DOK5: variants seen among roughly 807,000 people sequenced by gnomAD.
DOK5 encodes downstream of tyrosine kinase 5.
DOK5 carries 27 observed loss-of-function variants against 43.3 expected under a neutral mutation model. The observed-to-expected ratio is 0.62, with a 90% CI of 0.46 to 0.86. DOK5 has a LOEUF of 0.86. DOK5 is among the 40% of genes least tolerant of loss of function. DOK5 has a pLI of 0.00. For missense variants in DOK5, 373 were observed against 392.9 expected, an observed-to-expected ratio of 0.95 and a Z score of 0.43; for synonymous variants, 146 against 140.1, an observed-to-expected ratio of 1.04 and a Z score of -0.30.
At chr20:54,603,746 G>C (rs1230354798) in intron 5 of DOK5, among the ~76,000 whole-genome samples, 1 of 152,058 alleles carries the variant, frequency 6.6e-6, no homozygotes, top group Non-Finnish European at 1.5e-5. Flanking sequence ...CTGAGATCAA[G>C]TCCGTATTAC....
intron 2 of DOK5, among the ~76,000 whole-genome samples, chr20:54,584,699 A>C (rs1288914639): frequency 1.3e-5 from 2 of 150,010 alleles, no homozygotes; most frequent in East Asian, 3.9e-4. Context: ...TATATATAGT[A>C]CTATAATATG....
At chr20:54,522,536 T>C (rs997539465) in intron 1 of DOK5, among the ~76,000 whole-genome samples, 2 of 151,354 alleles carry the variant, frequency 1.3e-5, no homozygotes, top group Non-Finnish European at 3.0e-5. Flanking sequence ...TTTTTTTTTT[T>C]TGAGACAGAG....
At chr20:54,635,062 GT>G (rs1351051347) in intron 6 of DOK5, among the ~76,000 whole-genome samples, 1 of 152,160 alleles carries the variant, frequency 6.6e-6, no homozygotes, top group African/African-American at 2.4e-5. Flanking sequence ...ATGATGGGAA[GT>G]GGGGGTCAGA....
chr20:54,642,050 A>T (rs1196533682), intron 6 of DOK5, among the ~76,000 whole-genome samples: 1 of 152,158 alleles, frequency 6.6e-6, no homozygotes, highest in Non-Finnish European at 1.5e-5. Context: ...TGTGTCTAAG[A>T]CCAGGGCTCA....
intron 2 of DOK5, among the ~76,000 whole-genome samples, chr20:54,561,225 G>A (rs1984894069): frequency 6.6e-6 from 1 of 152,104 alleles, no homozygotes; most frequent in Non-Finnish European, 1.5e-5. Context: ...GGATGCACTG[G>A]TCACAATGAA....
intron 1 of DOK5, among the ~76,000 whole-genome samples, chr20:54,544,626 C>G (rs954097304): frequency 6.6e-6 from 1 of 152,172 alleles, no homozygotes; most frequent in Non-Finnish European, 1.5e-5. Flanking sequence ...ACCGGAGCCT[C>G]TGTGGACATT....
intron 2 of DOK5, among the ~76,000 whole-genome samples, chr20:54,558,375 C>T (rs1984784221): frequency 6.6e-6 from 1 of 152,248 alleles, no homozygotes; most frequent in South Asian, 2.1e-4. Context: ...TCTCTTTCAC[C>T]TATAATAATC....
intron 1 of DOK5, among the ~76,000 whole-genome samples, chr20:54,543,130 C>A (rs1179639322): frequency 6.6e-6 from 1 of 152,108 alleles, no homozygotes; most frequent in Non-Finnish European, 1.5e-5. Flanking sequence ...ATTTTCAAAA[C>A]AGGTAAAATT....
intron 1 of DOK5, among the ~76,000 whole-genome samples, chr20:54,531,270 A>C (rs989913312): frequency 1.3e-5 from 2 of 152,218 alleles, no homozygotes; most frequent in African/African-American, 4.8e-5. Context: ...ATTCTCACTC[A>C]GGTGAATCTT....
chr20:54,639,147 G>C (rs1279440665), intron 6 of DOK5, among the ~76,000 whole-genome samples: 1 of 152,212 alleles, frequency 6.6e-6, no homozygotes, highest in African/African-American at 2.4e-5. Flanking sequence ...GGTACTTACA[G>C]ACTGGTGCAC....
intron 1 of DOK5, among the ~76,000 whole-genome samples, chr20:54,504,181 A>T (rs1006276899): frequency 2.6e-5 from 4 of 151,924 alleles, no homozygotes; most frequent in African/African-American, 9.7e-5. Context: ...GCTACCCTCA[A>T]TATGGCTACC....
At chr20:54,589,190 T>C (rs1012832807) in intron 4 of DOK5, among the ~76,000 whole-genome samples, 2 of 152,202 alleles carry the variant, frequency 1.3e-5, no homozygotes, top group Admixed American at 1.3e-4. Flanking sequence ...GTAAAGACTT[T>C]CCTTCAATTC....
chr20:54,544,756 TG>T (rs1016496909), intron 1 of DOK5, among the ~76,000 whole-genome samples: 34 of 151,900 alleles, frequency 2.2e-4, no homozygotes, highest in African/African-American at 7.7e-4. Flanking sequence ...CACTCCTGGG[TG>T]GGGGCCACAG....
At chr20:54,598,235 A>T (rs1199315705) in intron 5 of DOK5, among the ~76,000 whole-genome samples, 1 of 152,178 alleles carries the variant, frequency 6.6e-6, no homozygotes, top group Non-Finnish European at 1.5e-5. Context: ...AATAAGATGA[A>T]ATTGCACAAT....
At chr20:54,521,135 A>T (rs935277661) in intron 1 of DOK5, among the ~76,000 whole-genome samples, 6 of 151,666 alleles carry the variant, frequency 4.0e-5, no homozygotes, top group Non-Finnish European at 5.9e-5. Flanking sequence ...CCCTCATGGC[A>T]CTTACCATCT....
chr20:54,639,329 T>G (rs1978995968), intron 6 of DOK5, among the ~76,000 whole-genome samples: 1 of 152,250 alleles, frequency 6.6e-6, no homozygotes, highest in South Asian at 2.1e-4. Context: ...CACCTGGACT[T>G]CCTCAAGCTG....
At chr20:54,560,102 A>C (rs193037546) in intron 2 of DOK5, among the ~76,000 whole-genome samples, 2 of 152,320 alleles carry the variant, frequency 1.3e-5, no homozygotes, top group Admixed American at 1.3e-4. Context: ...ATTTCTCTGG[A>C]ATTTCATCCA....
intron 1 of DOK5, among the ~76,000 whole-genome samples, chr20:54,541,112 G>T (rs6098060): frequency 0.024 from 3,725 of 152,148 alleles, 149 homozygotes; most frequent in African/African-American, 0.085. Context: ...TCCCACTTGC[G>T]TGAGCTAAAC....
chr20:54,623,794 T>C (rs1233588941), intron 6 of DOK5, among the ~76,000 whole-genome samples: 4 of 152,150 alleles, frequency 2.6e-5, no homozygotes, highest in African/African-American at 4.8e-5. Context: ...TTAGCCAAGA[T>C]GGTCTCGATC....
Sources: allele counts gnomAD v4.1 joint callset (sites outside exome capture counted in the v4.1 genomes callset), GRCh38; gene constraint gnomAD v4.1.1; transcripts MANE v1.5; gene names NCBI Gene and HGNC (gene_info 2026-07-23, HGNC 2026-07-21).